The following TDRD5 variants were observed in gnomAD, a reference collection of about 807,000 sequenced individuals.
The protein encoded by TDRD5 is tudor domain-containing protein 5.
In TDRD5, 41 loss-of-function variants were observed where a neutral mutation model predicts 120.6. That is an observed-to-expected ratio of 0.34 (90% confidence interval 0.26 to 0.44). The LOEUF (loss-of-function observed/expected upper bound fraction) is 0.44. Among genes scored for constraint, TDRD5 ranks in the 20% least tolerant of loss-of-function variants. The pLI, the probability that TDRD5 is intolerant of heterozygous loss-of-function variation, is 1.00. For missense variants in TDRD5, 1,006 were observed against 1,221.2 expected, an observed-to-expected ratio of 0.82 and a Z score of 2.63; for synonymous variants, 430 against 433.7, an observed-to-expected ratio of 0.99 and a Z score of 0.11.
At position 179,609,676 on chromosome 1, in the gene TDRD5, A is replaced by G. The variant is rs78915238; in HGVS notation, c.832-8923A>G. ...AATCTAGGGCTAATTTAGCCCCACC[A>G]CTGAAGCATTACCTTTCTAAGGATT... is the stretch of plus-strand genomic sequence containing the variant. On this transcript the variant is annotated intron_variant, in intron 4 of 17. Coordinates refer to ENST00000444136, the MANE Select transcript of TDRD5 (RefSeq NM_001199085.3). Among the ~76,000 whole-genome samples, 990 of 152,174 alleles carry G rather than the reference A, an allele frequency of 6.5e-3. 8 individuals carry two copies. Among genetic ancestry groups the G allele is most frequent in the African/African-American group, 0.022 (898 of 41,526 alleles).
At position 179,595,750 on chromosome 1, in the gene TDRD5, A is replaced by G. The variant is rs147268063; in HGVS notation, c.763A>G (p.Met255Val). ...NMEPPKQIMS[M>V]EKTSKLNVVE... Reference sequence around the variant, plus strand: ...GGAACCACCGAAGCAAATAATGAGCATGGAAAAGACTTCCAAGTTAAATGT... The same window carrying G: ...GGAACCACCGAAGCAAATAATGAGCGTGGAAAAGACTTCCAAGTTAAATGT... The change falls in exon 4 of 18, where the codon ATG (methionine) becomes GTG (valine). Residue 255 changes from methionine to valine, a missense_variant. Physicochemically the swap from Met to Val is conservative, Grantham distance 21. This residue lies in a region of TDRD5 where 445 missense variants were observed against 515.5 expected (regional missense o/e 0.86). Transcript: ENST00000444136. The G allele has an allele frequency of 5.0e-4, 801 of 1,613,984 alleles. 6 individuals are homozygous for G. In the African/African-American group the frequency reaches 9.6e-3, roughly 19 times the overall value.
chr1:179,635,887 G>A lies in TDRD5; in HGVS notation c.1520G>A (p.Arg507Gln), dbSNP rs779980049. Reference sequence around the variant, plus strand: ...CTCGAAGACATGATGATTGAAATGCGGTAGGAGTCTGTTGTTTTCAATGTG... The same window carrying A: ...CTCGAAGACATGATGATTGAAATGCAGTAGGAGTCTGTTGTTTTCAATGTG... ...ELLEDMMIEM[R>Q]RCYSNQLVSD... Residue 507 changes from arginine to glutamine, a missense_variant and splice_region_variant, in exon 9 of 18, where the codon CGG becomes CAG. Coordinates refer to ENST00000444136, the MANE Select transcript of TDRD5 (RefSeq NM_001199085.3). The A allele has an allele frequency of 3.1e-6, 5 of 1,612,366 alleles. No individual in the cohort carries two copies. Among genetic ancestry groups the A allele is most frequent in the Non-Finnish European group, 4.2e-6 (5 of 1,179,156 alleles).
chr1:179,683,128 C>T (rs1361015234), intron 17 of TDRD5, among the ~76,000 whole-genome samples: 2 of 152,146 alleles, frequency 1.3e-5, no homozygotes, highest in Non-Finnish European at 2.9e-5. Flanking sequence ...GTAAGACTAC[C>T]TGGTTCAGTC....
At chr1:179,649,194 G>A (rs994736752) in intron 11 of TDRD5, among the ~76,000 whole-genome samples, 3 of 151,956 alleles carry the variant, frequency 2.0e-5, no homozygotes, top group Non-Finnish European at 4.4e-5. Flanking sequence ...GTGTTTATGT[G>A]TGAATTTATT....
intron 4 of TDRD5, among the ~76,000 whole-genome samples, chr1:179,611,987 A>T (rs1055874496): frequency 6.6e-6 from 1 of 152,182 alleles, no homozygotes; most frequent in East Asian, 1.9e-4. Context: ...ACATAATCCT[A>T]TTTACAAAAA....
At chr1:179,599,714 A>C (rs541013355) in intron 4 of TDRD5, among the ~76,000 whole-genome samples, 3 of 152,102 alleles carry the variant, frequency 2.0e-5, no homozygotes, top group Non-Finnish European at 4.4e-5. Flanking sequence ...TACACATATC[A>C]GTCTCACTAA....
At chr1:179,675,308 C>G in intron 17 of TDRD5, among the ~76,000 whole-genome samples, 1 of 111,016 alleles carries the variant, frequency 9.0e-6, no homozygotes, top group South Asian at 3.1e-4. Flanking sequence ...GAGACGGAGT[C>G]TCACTCTTTC....
At chr1:179,663,672 TTTGCACCCCAGAATAC>T (rs937914558) in intron 16 of TDRD5, among the ~76,000 whole-genome samples, 181 bp downstream of exon 16, 1 of 152,148 alleles carries the variant, frequency 6.6e-6, no homozygotes, top group African/African-American at 2.4e-5. Context: ...TATGAGTGGA[TTTGCACCCCAGAATAC>T]TTGTGGTTAA....
chr1:179,682,809 G>A (rs1303780456), intron 17 of TDRD5, among the ~76,000 whole-genome samples: 1 of 151,934 alleles, frequency 6.6e-6, no homozygotes, highest in East Asian at 1.9e-4. Context: ...GATTATTGAT[G>A]GACTTGATGT....
intron 17 of TDRD5, among the ~76,000 whole-genome samples, chr1:179,674,292 A>G (rs781185967): frequency 2.0e-5 from 3 of 152,196 alleles, no homozygotes; most frequent in South Asian, 2.1e-4. Flanking sequence ...TTCTGCATCT[A>G]TTGAGGTGAT....
chr1:179,623,790 T>C (rs1463539420), intron 6 of TDRD5, among the ~76,000 whole-genome samples: 1 of 146,380 alleles, frequency 6.8e-6, no homozygotes, highest in Non-Finnish European at 1.5e-5. Context: ...TGTGGTGCCA[T>C]GCCCAGCCAA....
At chr1:179,600,802 A>T (rs1249839605) in intron 4 of TDRD5, among the ~76,000 whole-genome samples, 1 of 152,192 alleles carries the variant, frequency 6.6e-6, no homozygotes, top group South Asian at 2.1e-4. Flanking sequence ...CCAAACTTTG[A>T]TATGAAATTC....
chr1:179,594,234 G>T (rs1224409810), intron 3 of TDRD5, among the ~76,000 whole-genome samples: 1 of 152,168 alleles, frequency 6.6e-6, no homozygotes, highest in Admixed American at 6.5e-5. Flanking sequence ...TATGGAAAAT[G>T]AAAAGTTAAA....
At chr1:179,616,473 G>T (rs963924837) in intron 4 of TDRD5, among the ~76,000 whole-genome samples, 2 of 152,038 alleles carry the variant, frequency 1.3e-5, no homozygotes, top group African/African-American at 4.8e-5. Context: ...TTTCCTAACT[G>T]GTTGTCCACC....
intron 6 of TDRD5, among the ~76,000 whole-genome samples, chr1:179,630,421 T>A (rs922896186): frequency 6.6e-5 from 10 of 152,194 alleles, no homozygotes; most frequent in African/African-American, 2.4e-4. Flanking sequence ...ATACCAATAG[T>A]TTTATTACGA....
chr1:179,650,778 C>CTA (rs2102061434), intron 11 of TDRD5, 89 bp from the exon 12 acceptor site: 2 of 1,315,040 alleles, frequency 1.5e-6, no homozygotes, highest in East Asian at 4.6e-5. Flanking sequence ...ACTTAAATCT[C>CTA]TAGTTCATCA....
intron 4 of TDRD5, among the ~76,000 whole-genome samples, chr1:179,612,828 C>G (rs1382649716): frequency 6.6e-6 from 1 of 150,566 alleles, no homozygotes; most frequent in Admixed American, 6.7e-5. Flanking sequence ...CCCAGCTACT[C>G]AGGAGGCTGA....
intron 11 of TDRD5, 60 bp from the exon 12 acceptor site, chr1:179,650,807 G>A: frequency 6.5e-7 from 1 of 1,538,770 alleles, no homozygotes; most frequent in Non-Finnish European, 9.0e-7. Flanking sequence ...TGTTGTATAT[G>A]GTTATTATAA....
chr1:179,634,853 A>G (rs1398328857), intron 8 of TDRD5, among the ~76,000 whole-genome samples: 1 of 152,188 alleles, frequency 6.6e-6, no homozygotes, highest in Non-Finnish European at 1.5e-5. Context: ...TAAAGTTTTC[A>G]AATGGTTTTG....
Sources: gnomAD v4.1 joint callset for allele counts (sites outside exome capture counted in the v4.1 genomes callset) on GRCh38, gnomAD v4.1.1 for gene constraint, gnomAD v4.1.1 regional missense constraint, MANE v1.5 for transcripts, NCBI Gene and HGNC (gene_info 2026-07-23, HGNC 2026-07-21) for gene names.